Variants in HEATR5A observed in about 807,000 individuals in gnomAD.
HEATR5A encodes HEAT repeat-containing protein 5A.
A neutral mutation model predicts 218.8 loss-of-function variants in HEATR5A; 178 were observed. That is an observed-to-expected ratio of 0.81 (90% confidence interval 0.72 to 0.92). The LOEUF is 0.92. Ranked by LOEUF, HEATR5A falls within the 40% of genes least tolerant of loss-of-function variation. HEATR5A has a pLI of 0.00. For missense variants in HEATR5A, 2,420 were observed against 2,418.9 expected, an observed-to-expected ratio of 1.00 and a Z score of -0.01; for synonymous variants, 864 against 871.6, an observed-to-expected ratio of 0.99 and a Z score of 0.15.
intron 13 of HEATR5A, among the ~76,000 whole-genome samples, chr14:31,370,903 T>C (rs1457525318): frequency 6.6e-6 from 1 of 152,230 alleles, no homozygotes; most frequent in Non-Finnish European, 1.5e-5. Context: ...GATACACTTT[T>C]TTAAAAGGCA....
intron 16 of HEATR5A, among the ~76,000 whole-genome samples, chr14:31,356,201 C>T (rs1255614072): frequency 6.6e-6 from 1 of 152,162 alleles, no homozygotes; most frequent in Non-Finnish European, 1.5e-5. Context: ...CTGCTTATAA[C>T]CCACTTTCTG....
chr14:31,399,322 T>C (rs2030782233), intron 3 of HEATR5A, among the ~76,000 whole-genome samples: 1 of 152,212 alleles, frequency 6.6e-6, no homozygotes, highest in Non-Finnish European at 1.5e-5. Context: ...TACTCTACTA[T>C]TCAGCCCAAA....
chr14:31,348,247 T>C (rs1220466933), intron 18 of HEATR5A, among the ~76,000 whole-genome samples: 1 of 152,196 alleles, frequency 6.6e-6, no homozygotes, highest in Non-Finnish European at 1.5e-5. Flanking sequence ...GCTGAGATAC[T>C]TTAATTTCAT....
intron 32 of HEATR5A, 97 bp downstream of exon 32, chr14:31,304,808 T>C: frequency 8.2e-7 from 1 of 1,214,672 alleles, no homozygotes; most frequent in Non-Finnish European, 1.2e-6. Context: ...TGGGTCAGCA[T>C]TCATTTAAAA....
intron 8 of HEATR5A, 130 bp downstream of exon 8, chr14:31,386,990 T>C (rs1447537593): frequency 5.8e-6 from 5 of 863,246 alleles, no homozygotes; most frequent in Non-Finnish European, 9.0e-6. Flanking sequence ...AAGTACAACA[T>C]GAATTCTGAG....
intron 6 of HEATR5A, 116 bp downstream of exon 6, chr14:31,393,936 C>T (rs1035102043): frequency 3.4e-5 from 25 of 738,102 alleles, no homozygotes; most frequent in Admixed American, 1.6e-4. Flanking sequence ...GTGTGAGCCA[C>T]CATGCCTGGC....
In HEATR5A at chr14:31,403,049, T is replaced by A. The variant is rs748606471; in HGVS notation, c.-74A>T. 7.6e-7 allele frequency: 1 copy of A among 1,322,216 alleles called. No individual in the cohort carries two copies. The highest frequency in any genetic ancestry group is 1.0e-6 in the Non-Finnish European group (1 of 994,012). The allele number at this position is 1,322,216 out of a possible 1,614,324, so 81.9% of individuals were successfully genotyped here. On this transcript the variant is annotated splice_region_variant and 5_prime_UTR_variant, in exon 2 of 36. Coordinates refer to ENST00000543095, the MANE Select transcript of HEATR5A (RefSeq NM_015473.4). ...TGGTCAATATACCTAACAATAAAAA[T>A]CTGCAATACAGGAAAATAATGTATT...
intron 22 of HEATR5A, among the ~76,000 whole-genome samples, chr14:31,330,000 C>A (rs1900409388): frequency 6.6e-6 from 1 of 152,228 alleles, no homozygotes; most frequent in Non-Finnish European, 1.5e-5. Flanking sequence ...CGTGAGCCAT[C>A]ATGCCCGGCC....
intron 18 of HEATR5A, among the ~76,000 whole-genome samples, chr14:31,348,546 G>A (rs1688060774): frequency 6.6e-6 from 1 of 152,174 alleles, no homozygotes; most frequent in South Asian, 2.1e-4. Flanking sequence ...TCACACCACT[G>A]TACTCCAACC....
intron 25 of HEATR5A, among the ~76,000 whole-genome samples, chr14:31,318,552 G>C (rs759800936): frequency 6.6e-6 from 1 of 152,066 alleles, no homozygotes; most frequent in Non-Finnish European, 1.5e-5. Flanking sequence ...GTGCAGTGGC[G>C]CAATCTCGGC....
rs141315158 is a variant in HEATR5A, at chr14:31,354,587, T to C, written c.2412-3870A>G. ...GTAATACTGAATTAGTACTCATAAGTAGTATCAATTATAACATATAATTAT... is the reference window on the plus strand; with the variant it reads ...GTAATACTGAATTAGTACTCATAAGCAGTATCAATTATAACATATAATTAT... On this transcript the variant is annotated intron_variant, in intron 16 of 35. Coordinates refer to ENST00000543095, the MANE Select transcript of HEATR5A (RefSeq NM_015473.4). 7.6e-4 allele frequency among the ~76,000 whole-genome samples: 116 copies of C among 152,298 alleles called. 1 individual carries two copies. The highest frequency in any genetic ancestry group is 5.0e-3 in the South Asian group (24 of 4,816).
chr14:31,339,076 C>T lies in HEATR5A; in HGVS notation c.3229-1462G>A, dbSNP rs771533100. Among the ~76,000 whole-genome samples, 6 of 151,168 alleles carry T rather than the reference C, an allele frequency of 4.0e-5. 1 individual carries two copies. Among genetic ancestry groups the T allele is most frequent in the Admixed American group, 1.3e-4 (2 of 15,154 alleles). On this transcript the variant is annotated intron_variant, in intron 21 of 35. Coordinates refer to ENST00000543095, the MANE Select transcript of HEATR5A (RefSeq NM_015473.4). ...TGGAGGTCGCAGTGAGCCGAGATCA[C>T]GCCTCTGCACTCCAGCCTGGGCGAC...
At chr14:31,339,122 A>AAAAAAC (rs1414035865) in intron 21 of HEATR5A, among the ~76,000 whole-genome samples, 1 of 151,186 alleles carries the variant, frequency 6.6e-6, no homozygotes, top group Non-Finnish European at 1.5e-5. Context: ...TCTCAGGAAA[A>AAAAAAC]AAAAACAAAA....
intron 1 of HEATR5A, among the ~76,000 whole-genome samples, chr14:31,416,369 G>A (rs767767593): frequency 1.3e-5 from 2 of 152,096 alleles, no homozygotes; most frequent in African/African-American, 2.4e-5. Flanking sequence ...TGATCTGCCC[G>A]CCTTGGCCTC....
chr14:31,349,129 C>G (rs543787749), intron 18 of HEATR5A, among the ~76,000 whole-genome samples: 1 of 152,202 alleles, frequency 6.6e-6, no homozygotes, highest in East Asian at 1.9e-4. Context: ...GTGGTCCACG[C>G]TTTTAATCCC....
At position 31,395,338 on chromosome 14, in the gene HEATR5A, C is replaced by G; in HGVS notation, c.458G>C (p.Arg153Pro). The stretch of plus-strand genomic sequence containing the variant: ...TTGCAGACTTAGCATAATCTCATAT[C>G]GGCCTTGAGACTTCCAAAAAGAAAA... ...KAMKSAESQG[R>P]YEIMLSLQNI... Residue 153 changes from arginine to proline, a missense_variant, in exon 5 of 36, where the codon CGA becomes CCA. Transcript: ENST00000543095. The G allele has an allele frequency of 6.6e-7, 1 of 1,511,070 alleles. No homozygotes were observed. The highest frequency in any genetic ancestry group is 1.4e-5 in the African/African-American group (1 of 72,414). The allele number at this position is 1,511,070 out of a possible 1,614,324, so 93.6% of individuals were successfully genotyped here.
Position 31,315,919 on chromosome 14 carries a change from C to T in HEATR5A, c.4069G>A (p.Val1357Ile). The T allele has an allele frequency of 6.4e-7, 1 of 1,568,688 alleles. No homozygotes were observed. Among genetic ancestry groups the T allele is most frequent in the Non-Finnish European group, 8.6e-7 (1 of 1,156,446 alleles). Residue 1357 changes from valine (V) to isoleucine (I), a missense_variant, in exon 27 of 36, where the codon GTA becomes ATA. Transcript: ENST00000543095. ...VCSAWIASGVVSDLNDLRRVH... is the reference protein window; with the variant it reads ...VCSAWIASGVISDLNDLRRVH... ...CTTCGGAGATCATTAAGGTCACTTA[C>T]AACTCCACTTGCTATCCAGGCACTG...
intron 6 of HEATR5A, among the ~76,000 whole-genome samples, chr14:31,390,494 T>A (rs2030410652): frequency 6.6e-6 from 1 of 152,234 alleles, no homozygotes; most frequent in Admixed American, 6.5e-5. Context: ...ATATATATTT[T>A]AAACTTTTTA....
At chr14:31,411,673 G>C (rs2031278230) in intron 1 of HEATR5A, among the ~76,000 whole-genome samples, 1 of 152,132 alleles carries the variant, frequency 6.6e-6, no homozygotes, top group Admixed American at 6.5e-5. Context: ...TGTGCAGATA[G>C]AGCATTTGAT....
Sources: allele counts gnomAD v4.1 joint callset (sites outside exome capture counted in the v4.1 genomes callset), GRCh38; gene constraint gnomAD v4.1.1; transcripts MANE v1.5; gene names NCBI Gene and HGNC (gene_info 2026-07-23, HGNC 2026-07-21).